Variants in DPP6 observed in about 807,000 individuals in gnomAD.
DPP6 encodes A-type potassium channel modulatory protein DPP6.
Under a neutral mutation model 122.6 loss-of-function variants are expected in DPP6, and 69 were observed. That is an observed-to-expected ratio of 0.56 (90% CI 0.46 to 0.69). DPP6 has a LOEUF of 0.69. DPP6 is among the 30% of genes least tolerant of loss of function. DPP6 has a pLI of 0.00. For synonymous variants in DPP6, 418 were observed against 433.1 expected, an observed-to-expected ratio of 0.97 and a Z score of 0.43; for missense variants, 928 against 1,116.9, an observed-to-expected ratio of 0.83 and a Z score of 2.41.
chr7:154,081,173 A>G (rs1322742740), intron 1 of DPP6, among the ~76,000 whole-genome samples: 2 of 151,820 alleles, frequency 1.3e-5, no homozygotes, highest in African/African-American at 4.8e-5. Flanking sequence ...CAAATGAGCC[A>G]GTATGCTGGG....
intron 7 of DPP6, among the ~76,000 whole-genome samples, chr7:154,716,889 A>G (rs549670433): frequency 1.3e-5 from 2 of 152,290 alleles, no homozygotes; most frequent in African/African-American, 4.8e-5. Context: ...GCTGCAGTGC[A>G]GTTGTGGGAT....
intron 4 of DPP6, among the ~76,000 whole-genome samples, chr7:154,547,180 C>T (rs551534241): frequency 3.2e-4 from 49 of 152,306 alleles, no homozygotes; most frequent in African/African-American, 9.1e-4. Flanking sequence ...ATAACCAGGA[C>T]GGTGGCTGCA....
At position 154,663,482 on chromosome 7, in the gene DPP6, G is replaced by A. The variant is rs1344337564; in HGVS notation, c.681-5878G>A. The stretch of plus-strand genomic sequence containing the variant: ...GGTGAATCACCATGGCATATTCTCC[G>A]TAGTGTTCATATAGTCATGGTGAAT... On this transcript the variant is annotated intron_variant, in intron 6 of 25. Transcript: ENST00000377770. 1.1e-4 allele frequency among the ~76,000 whole-genome samples: 4 copies of A among 36,792 alleles called. 1 individual carries two copies. Among genetic ancestry groups the A allele is most frequent in the African/African-American group, 2.0e-4 (4 of 19,840 alleles). 24.1% of individuals were successfully genotyped at this position (36,792 alleles called of 152,430 possible). A position where few individuals can be genotyped will look rare whatever the true frequency, so the allele number is the denominator to read the frequency against.
intron 1 of DPP6, among the ~76,000 whole-genome samples, chr7:154,389,860 A>G (rs1226487104): frequency 6.6e-6 from 1 of 152,258 alleles, no homozygotes; most frequent in Non-Finnish European, 1.5e-5. Context: ...ATGGGTGATT[A>G]TTACAAAAGC....
intron 6 of DPP6, among the ~76,000 whole-genome samples, chr7:154,651,042 A>G (rs543310372): frequency 2.0e-5 from 3 of 152,274 alleles, no homozygotes; most frequent in African/African-American, 7.2e-5. Context: ...TTGAAATGCT[A>G]AGAGGAGCTC....
chr7:154,636,633 G>C (rs1259258737), intron 5 of DPP6, among the ~76,000 whole-genome samples: 1 of 152,130 alleles, frequency 6.6e-6, no homozygotes, highest in East Asian at 1.9e-4. Context: ...CAGATTGTTG[G>C]GATTTAAGTG....
At chr7:154,232,024 C>G (rs902719819) in intron 1 of DPP6, among the ~76,000 whole-genome samples, 2 of 152,252 alleles carry the variant, frequency 1.3e-5, no homozygotes, top group East Asian at 1.9e-4. Flanking sequence ...CAAACAGCCT[C>G]GTGTTTCATG....
rs182277723 is a variant in DPP6 at position 154,554,719 on chromosome 7, A to G, written c.553-12123A>G. On this transcript the variant is annotated intron_variant, in intron 4 of 25. Coordinates refer to ENST00000377770, the MANE Select transcript of DPP6 (RefSeq NM_130797.4). The stretch of plus-strand genomic sequence containing the variant: ...GTAGCCCCAGATAATGCAAAAGGTG[A>G]AATACTGTATATACCCATCTCTCTA... 1.1e-3 allele frequency among the ~76,000 whole-genome samples: 160 copies of G among 152,324 alleles called. 2 individuals are homozygous for G. The highest frequency in any genetic ancestry group is 4.0e-3 in the Admixed American group (61 of 15,296).
intron 5 of DPP6, among the ~76,000 whole-genome samples, chr7:154,580,881 A>C (rs1832020932): frequency 6.6e-6 from 1 of 152,180 alleles, no homozygotes; most frequent in African/African-American, 2.4e-5. Flanking sequence ...CAGAAGAAAG[A>C]GCAGCAAAAA....
intron 1 of DPP6, among the ~76,000 whole-genome samples, chr7:153,940,405 T>G (rs1163494142): frequency 6.6e-6 from 1 of 152,178 alleles, no homozygotes; most frequent in African/African-American, 2.4e-5. Context: ...GTCACTTGAC[T>G]CTGTAGCAAT....
At chr7:154,069,550 T>C (rs969076389) in intron 1 of DPP6, among the ~76,000 whole-genome samples, 6 of 151,920 alleles carry the variant, frequency 3.9e-5, no homozygotes, top group African/African-American at 1.5e-4. Context: ...TTTTGTTTTT[T>C]CAAAAATTTA....
intron 1 of DPP6, among the ~76,000 whole-genome samples, chr7:154,412,604 GT>G (rs1182875617): frequency 6.6e-6 from 1 of 152,144 alleles, no homozygotes; most frequent in Admixed American, 6.5e-5. Flanking sequence ...ATAACTGTAG[GT>G]TTTTGGTTAT....
chr7:154,486,268 G>A lies in DPP6; in HGVS notation c.457+11231G>A, dbSNP rs892171677. On this transcript the variant is annotated intron_variant, in intron 3 of 25. Transcript: ENST00000377770. This position sits in a 1 kb window ranked among gnomAD's most constrained non-coding sequence, Gnocchi z 4.5. ...TCCGCTTCAGCCTCCTGAGTAGCTGGGACTACAGGTGTGTGCCACCACGCC... is the reference window on the plus strand; with the variant it reads ...TCCGCTTCAGCCTCCTGAGTAGCTGAGACTACAGGTGTGTGCCACCACGCC... Among the ~76,000 whole-genome samples the A allele has an allele frequency of 6.6e-6, 1 of 152,002 alleles. No individual in the cohort carries two copies. Among genetic ancestry groups the A allele is most frequent in the South Asian group, 2.1e-4 (1 of 4,820 alleles).
intron 8 of DPP6, among the ~76,000 whole-genome samples, chr7:154,764,432 G>T (rs894144996): frequency 6.6e-6 from 1 of 152,150 alleles, no homozygotes; most frequent in Non-Finnish European, 1.5e-5. Flanking sequence ...GAAGACAGGT[G>T]TCACTCATCA....
At chr7:153,831,644 C>T in the DPP6 span, among the ~76,000 whole-genome samples, 5 of 152,082 alleles carry the variant, frequency 3.3e-5, no homozygotes, top group Non-Finnish European at 7.4e-5. Context: ...AGATGGACAC[C>T]GACATTTACA....
chr7:154,321,784 CA>C (rs1180440495), intron 1 of DPP6, among the ~76,000 whole-genome samples: 1,925 of 63,042 alleles, frequency 0.031, 36 homozygotes, highest in African/African-American at 0.08. Context: ...GACTCTGTCT[CA>C]AAAAAAAAAA....
At chr7:154,032,996 T>C (rs569390451) in intron 1 of DPP6, among the ~76,000 whole-genome samples, 1 of 152,086 alleles carries the variant, frequency 6.6e-6, no homozygotes, top group South Asian at 2.1e-4. Context: ...TGGCTGCCTT[T>C]GAAGGTGGCT....
At chr7:154,686,874 T>C (rs1839643537) in intron 7 of DPP6, among the ~76,000 whole-genome samples, 1 of 152,164 alleles carries the variant, frequency 6.6e-6, no homozygotes, top group Admixed American at 6.5e-5. Context: ...TGCCCTCCAG[T>C]CAGCATGAAA....
chr7:154,080,335 GAC>G (rs1803898141), intron 1 of DPP6, among the ~76,000 whole-genome samples: 1 of 152,060 alleles, frequency 6.6e-6, no homozygotes, highest in African/African-American at 2.4e-5. Flanking sequence ...AGTTGACAGT[GAC>G]ATCTCGGACT....
Sources: gnomAD v4.1 joint callset for allele counts (sites outside exome capture counted in the v4.1 genomes callset) on GRCh38, gnomAD v4.1.1 for gene constraint, Gnocchi (gnomAD v3.1) non-coding constraint, MANE v1.5 for transcripts, NCBI Gene and HGNC (gene_info 2026-07-23, HGNC 2026-07-21) for gene names.